The following SGCZ variants were observed in gnomAD, a reference collection of about 807,000 sequenced individuals.
SGCZ encodes the protein sarcoglycan zeta, also known as zeta-sarcoglycan.
A neutral mutation model predicts 41.3 loss-of-function variants in SGCZ; 40 were observed. That is an observed-to-expected ratio of 0.97 (90% CI 0.75 to 1.26). The LOEUF (loss-of-function observed/expected upper bound fraction) is 1.26. Among genes scored for constraint, SGCZ ranks in the 50% most tolerant of loss-of-function variants. The pLI is 0.00. For synonymous variants in SGCZ, 206 were observed against 137.5 expected (o/e 1.50, Z -3.49); for missense variants, 552 against 369.8 (o/e 1.49, Z -4.04).
At chr8:14,554,705 A>G in intron 2 of SGCZ, 27 bp downstream of exon 2, 1 of 1,577,264 alleles carries the variant, frequency 6.3e-7, no homozygotes, top group East Asian at 2.3e-5. Context: ...CAAGAGCAAT[A>G]AGATGTAAAA....
At chr8:14,917,954 T>C (rs1209905321) in intron 1 of SGCZ, among the ~76,000 whole-genome samples, 1 of 152,138 alleles carries the variant, frequency 6.6e-6, no homozygotes, top group African/African-American at 2.4e-5. Context: ...TGCAAAATAT[T>C]AGGCTAGTTG....
intron 1 of SGCZ, among the ~76,000 whole-genome samples, chr8:14,903,710 G>C (rs1007214956): frequency 3.3e-5 from 5 of 151,998 alleles, no homozygotes; most frequent in Non-Finnish European, 7.4e-5. Context: ...TTATTGTGTA[G>C]TTTTTAAGAG....
chr8:14,342,226 C>T (rs970453869), intron 2 of SGCZ, among the ~76,000 whole-genome samples: 2 of 152,140 alleles, frequency 1.3e-5, no homozygotes, highest in Non-Finnish European at 2.9e-5. Flanking sequence ...TACGTTTTAG[C>T]AAAGGGATTG....
chr8:14,481,655 T>A (rs1340030445), intron 2 of SGCZ, among the ~76,000 whole-genome samples: 1 of 151,794 alleles, frequency 6.6e-6, no homozygotes, highest in Non-Finnish European at 1.5e-5. Flanking sequence ...TGGAAGGGAG[T>A]TTTTTTATTA....
intron 1 of SGCZ, among the ~76,000 whole-genome samples, chr8:15,135,631 A>C (rs370688111): frequency 6.2e-4 from 94 of 152,296 alleles, no homozygotes; most frequent in Middle Eastern, 3.4e-3. Context: ...GCTCTTAGAA[A>C]TTGTGGCTCT....
chr8:14,107,147 C>T (rs1329548920), intron 6 of SGCZ, among the ~76,000 whole-genome samples: 1 of 151,472 alleles, frequency 6.6e-6, no homozygotes, highest in Admixed American at 6.6e-5. Context: ...ACCTGCGAGG[C>T]GGAGCTTGAG....
chr8:15,139,560 G>A (rs571636048), intron 1 of SGCZ, among the ~76,000 whole-genome samples: 1 of 152,126 alleles, frequency 6.6e-6, no homozygotes, highest in Admixed American at 6.5e-5. Flanking sequence ...CCTATAGAGA[G>A]TAAAATGGTT....
At chr8:14,617,046 G>C (rs1048622466) in intron 1 of SGCZ, among the ~76,000 whole-genome samples, 7 of 151,936 alleles carry the variant, frequency 4.6e-5, no homozygotes, top group Admixed American at 2.0e-4. Flanking sequence ...ATTAGGAAGA[G>C]AAAAAAATCT....
intron 1 of SGCZ, among the ~76,000 whole-genome samples, chr8:14,857,808 G>C (rs1803594478): frequency 6.6e-6 from 1 of 152,188 alleles, no homozygotes; most frequent in Non-Finnish European, 1.5e-5. Context: ...GGAGGTAGCA[G>C]TGAGCTGAGA....
chr8:14,233,821 A>C (rs945260740), intron 4 of SGCZ, among the ~76,000 whole-genome samples: 4 of 151,806 alleles, frequency 2.6e-5, no homozygotes, highest in African/African-American at 9.7e-5. Context: ...ATTATAGATT[A>C]AATAGAAAAT....
At chr8:14,213,479 T>C (rs1805886236) in intron 4 of SGCZ, among the ~76,000 whole-genome samples, 1 of 152,058 alleles carries the variant, frequency 6.6e-6, no homozygotes, top group South Asian at 2.1e-4. Context: ...TAAAGGAAAA[T>C]AAACACCTTC....
intron 1 of SGCZ, among the ~76,000 whole-genome samples, chr8:14,604,553 G>C (rs1430100118): frequency 6.6e-6 from 1 of 151,992 alleles, no homozygotes; most frequent in African/African-American, 2.4e-5. Flanking sequence ...ACTTTTAGAA[G>C]GCTTGTTTAC....
At chr8:14,986,821 AT>A (rs1385053846) in intron 1 of SGCZ, among the ~76,000 whole-genome samples, 34 of 152,080 alleles carry the variant, frequency 2.2e-4, no homozygotes, top group African/African-American at 8.2e-4. Flanking sequence ...TTTGTTATCT[AT>A]TTGAGTTTTC....
At chr8:14,289,294 T>C (rs1309894585) in intron 3 of SGCZ, among the ~76,000 whole-genome samples, 1 of 152,092 alleles carries the variant, frequency 6.6e-6, no homozygotes, top group Non-Finnish European at 1.5e-5. Flanking sequence ...TTATCTGTTA[T>C]TTCTCTTTGG....
At chr8:14,473,064 C>CT (rs1357186115) in intron 2 of SGCZ, among the ~76,000 whole-genome samples, 1 of 151,926 alleles carries the variant, frequency 6.6e-6, no homozygotes, top group African/African-American at 2.4e-5. Flanking sequence ...TGAATGATAC[C>CT]TAGGAGAAAT....
chr8:14,643,388 G>C (rs1316698357), intron 1 of SGCZ, among the ~76,000 whole-genome samples: 1 of 151,528 alleles, frequency 6.6e-6, no homozygotes, highest in Non-Finnish European at 1.5e-5. Flanking sequence ...AATGCAAGTA[G>C]CTCTGAATAA....
At chr8:14,575,913 CAAAAAAAA>C (rs66656586) in intron 1 of SGCZ, among the ~76,000 whole-genome samples, 1 of 100,004 alleles carries the variant, frequency 1.0e-5, no homozygotes, top group Non-Finnish European at 1.9e-5. Flanking sequence ...CTCAAAATAA[CAAAAAAAA>C]AAAAAAAAAA....
At chr8:15,101,660 G>C (rs1489485062) in intron 1 of SGCZ, among the ~76,000 whole-genome samples, 1 of 152,164 alleles carries the variant, frequency 6.6e-6, no homozygotes, top group Non-Finnish European at 1.5e-5. Flanking sequence ...GCCAGGAGCG[G>C]TGGCTCACGC....
At chr8:14,142,196 C>G (rs59895693) in intron 5 of SGCZ, among the ~76,000 whole-genome samples, 2 of 151,904 alleles carry the variant, frequency 1.3e-5, no homozygotes, top group African/African-American at 4.8e-5. Flanking sequence ...AGGGATAGCA[C>G]TGGGAGAAGT....
Sources: allele counts gnomAD v4.1 joint callset (sites outside exome capture counted in the v4.1 genomes callset), GRCh38; gene constraint gnomAD v4.1.1; transcripts MANE v1.5; gene names NCBI Gene and HGNC (gene_info 2026-07-23, HGNC 2026-07-21).